Variants in CHL1 observed in about 807,000 individuals in gnomAD.
The protein encoded by CHL1 is neural cell adhesion molecule L1-like protein.
CHL1 carries 96 observed loss-of-function variants against 141.9 expected under a neutral mutation model. That is an observed-to-expected ratio of 0.68 (90% CI 0.57 to 0.80). The LOEUF is 0.80. Among genes scored for constraint, CHL1 ranks in the 30% least tolerant of loss-of-function variants. The probability of loss-of-function intolerance (pLI) is 0.00; values close to 1 mark genes in which losing one functional copy is unlikely to be tolerated. For synonymous variants in CHL1, 613 were observed against 502.2 expected (o/e 1.22, Z -2.95); for missense variants, 1,820 against 1,457.2 (o/e 1.25, Z -4.05).
At chr3:307,542 G>A (rs909126515) in intron 2 of CHL1, among the ~76,000 whole-genome samples, 1 of 152,176 alleles carries the variant, frequency 6.6e-6, no homozygotes, top group African/African-American at 2.4e-5. Context: ...TAAGCCTGGA[G>A]TGCAATGAAA....
intron 24 of CHL1, among the ~76,000 whole-genome samples, chr3:397,384 G>T (rs1000975060): frequency 1.3e-5 from 2 of 151,788 alleles, no homozygotes; most frequent in African/African-American, 2.4e-5. Flanking sequence ...ATGAAATATT[G>T]ATCTGTAACA....
intron 1 of CHL1, among the ~76,000 whole-genome samples, 174 bp from the exon 2 acceptor site, chr3:244,439 C>G (rs918830654): frequency 4.6e-5 from 7 of 152,066 alleles, no homozygotes; most frequent in Non-Finnish European, 5.9e-5. Flanking sequence ...CGCAGGACCC[C>G]TTTTTTAGCA....
chr3:206,161 G>A (rs1434991562), intron 1 of CHL1, among the ~76,000 whole-genome samples: 1 of 152,194 alleles, frequency 6.6e-6, no homozygotes, highest in Admixed American at 6.5e-5. Flanking sequence ...AGGAATGGTG[G>A]CATTAAATAT....
chr3:319,496 C>G (rs895469571), intron 2 of CHL1, among the ~76,000 whole-genome samples, 187 bp from the exon 3 acceptor site: 2 of 149,906 alleles, frequency 1.3e-5, no homozygotes, highest in Non-Finnish European at 3.0e-5. Flanking sequence ...TATATATTCG[C>G]TGTCCTTTAT....
rs377426665 is a variant in CHL1 at position 383,905 on chromosome 3, G to A, written c.2247+19G>A. ...GTGGGAGGTGTGTATTTCTTAATAC[G>A]TTATGTATTTCTTTGTGCTTTTCTC... is the stretch of plus-strand genomic sequence containing the variant. On this transcript the variant is annotated intron_variant, in intron 19 of 27. Transcript: ENST00000256509. 2.6e-5 allele frequency: 41 copies of A among 1,550,294 alleles called. No homozygotes were observed. Among genetic ancestry groups the A allele is most frequent in the East Asian group, 2.3e-4 (10 of 44,346 alleles).
chr3:387,708 C>T (rs892729373), intron 19 of CHL1, among the ~76,000 whole-genome samples: 5 of 152,192 alleles, frequency 3.3e-5, no homozygotes, highest in African/African-American at 1.2e-4. Flanking sequence ...GCCTAATTCA[C>T]TGGGACAATG....
Position 360,281 on chromosome 3 carries a change from C to G in CHL1, c.1166-3C>G. The G allele has an allele frequency of 6.2e-7, 1 of 1,613,496 alleles. No individual in the cohort carries two copies. Among genetic ancestry groups the G allele is most frequent in the African/African-American group, 1.3e-5 (1 of 74,986 alleles). ...CAAACTGACATTCTTTAATCTCTTT[C>G]AGATCATCCATTTGCTGGTGATGTT... On this transcript the variant is annotated splice_polypyrimidine_tract_variant and splice_region_variant and intron_variant, in intron 11 of 27. Transcript: ENST00000256509.
At chr3:209,679 A>C (rs980327566) in intron 1 of CHL1, among the ~76,000 whole-genome samples, 3 of 152,178 alleles carry the variant, frequency 2.0e-5, no homozygotes, top group African/African-American at 7.2e-5. Context: ...CTCGTCGTTT[A>C]CATTAAGTAC....
intron 1 of CHL1, among the ~76,000 whole-genome samples, chr3:225,866 A>G (rs556390122): frequency 7.9e-5 from 12 of 151,806 alleles, no homozygotes; most frequent in African/African-American, 1.9e-4. Flanking sequence ...AAAATTAGCC[A>G]GGTGTGGTGG....
chr3:391,850 G>T, intron 23 of CHL1, 53 bp downstream of exon 23: 1 of 1,415,738 alleles, frequency 7.1e-7, no homozygotes, highest in Non-Finnish European at 9.8e-7. Flanking sequence ...TTTTTTGGTT[G>T]AATATTCTCT....
At chr3:216,324 T>C (rs1338593356) in intron 1 of CHL1, among the ~76,000 whole-genome samples, 3 of 152,226 alleles carry the variant, frequency 2.0e-5, no homozygotes, top group African/African-American at 7.2e-5. Context: ...TCTCTTTCCT[T>C]TTTGTTGTCC....
At chr3:254,313 T>C (rs1276003940) in intron 2 of CHL1, among the ~76,000 whole-genome samples, 1 of 152,132 alleles carries the variant, frequency 6.6e-6, no homozygotes, top group Non-Finnish European at 1.5e-5. Flanking sequence ...TAAACAAGAC[T>C]CTTCTTCCCA....
rs778667297 is a variant in CHL1 at position 344,642 on chromosome 3, G to C, written c.781G>C (p.Gly261Arg). Residue 261 changes from glycine (G) to arginine (R), a missense_variant, in exon 9 of 28, where the codon GGC (glycine) becomes CGC (arginine). Physicochemically the swap from Gly to Arg is moderately radical, Grantham distance 125. Transcript: ENST00000256509. ...PKLLLPPTES[G>R]SESSITILKG... Reference sequence around the variant, plus strand: ...ACTGCTGTTGCCTCCCACTGAGAGTGGCAGTGAGTCTTCAATTACCATCCT... The same window carrying C: ...ACTGCTGTTGCCTCCCACTGAGAGTCGCAGTGAGTCTTCAATTACCATCCT... The C allele has an allele frequency of 1.9e-6, 3 of 1,613,212 alleles. No homozygotes were observed. The highest frequency in any genetic ancestry group is 8.5e-7 in the Non-Finnish European group (1 of 1,179,326).
chr3:376,491 CA>C, intron 15 of CHL1: 1 of 483,122 alleles, frequency 2.1e-6, no homozygotes, highest in Non-Finnish European at 4.1e-6. Context: ...TAATTGGAGG[CA>C]CCTAAGATAC....
intron 1 of CHL1, among the ~76,000 whole-genome samples, chr3:202,790 T>G (rs377493804): frequency 1.5e-3 from 224 of 152,370 alleles, no homozygotes; most frequent in African/African-American, 5.1e-3. Flanking sequence ...TAGCACTTTA[T>G]TCTCTGAAGA....
intron 5 of CHL1, among the ~76,000 whole-genome samples, chr3:329,805 C>T (rs1050400697): frequency 6.6e-6 from 1 of 151,888 alleles, no homozygotes; most frequent in African/African-American, 2.4e-5. Flanking sequence ...TAGGTATGAC[C>T]ATATTAATGT....
rs370425791 is a variant in CHL1 at position 390,760 on chromosome 3, G to A, written c.2530G>A (p.Val844Ile). 1 of 1,612,830 alleles carries A rather than the reference G, an allele frequency of 6.2e-7. No homozygotes were observed. Among genetic ancestry groups the A allele is most frequent in the African/African-American group, 1.3e-5 (1 of 74,898 alleles). Residue 844 changes from valine to isoleucine, a missense_variant, in exon 21 of 28, where the codon GTT becomes ATT. Physicochemically the swap from Val to Ile is conservative, Grantham distance 29 (BLOSUM62 3). Coordinates refer to ENST00000256509, the MANE Select transcript of CHL1 (RefSeq NM_006614.4). ...CGTTATAAACAGTACATTAGTTAAA[G>A]TTACCTGGTCAACAGTTCCAAAGGA... ...VDVINSTLVK[V>I]TWSTVPKDRV...
intron 2 of CHL1, among the ~76,000 whole-genome samples, chr3:266,571 T>C (rs1695175346): frequency 6.6e-6 from 1 of 152,208 alleles, no homozygotes; most frequent in Non-Finnish European, 1.5e-5. Context: ...GCTCCAGTTT[T>C]GGTGCTAGCA....
intron 2 of CHL1, among the ~76,000 whole-genome samples, chr3:303,334 A>C (rs139556908): frequency 6.1e-4 from 93 of 152,320 alleles, no homozygotes; most frequent in African/African-American, 2.0e-3. Context: ...TATTTTGAGC[A>C]GTATGGCCAT....
Sources: allele counts gnomAD v4.1 joint callset (sites outside exome capture counted in the v4.1 genomes callset), GRCh38; gene constraint gnomAD v4.1.1; transcripts MANE v1.5; gene names NCBI Gene and HGNC (gene_info 2026-07-23, HGNC 2026-07-21).